The following DLC1 variants were observed in gnomAD, a reference collection of about 807,000 sequenced individuals.
DLC1 encodes the protein rho GTPase-activating protein 7.
DLC1 carries 54 observed loss-of-function variants against 140.3 expected under a neutral mutation model. The ratio of observed to expected loss-of-function variants is 0.38; its 90% CI spans 0.31 to 0.48. The LOEUF (loss-of-function observed/expected upper bound fraction) is 0.48, where lower values mean the gene tolerates loss of function less well. DLC1 is among the 20% of genes least tolerant of loss of function. The pLI is 0.96. For synonymous variants in DLC1, 986 were observed against 728.1 expected, an observed-to-expected ratio of 1.35 and a Z score of -5.70; for missense variants, 2,536 against 1,907.0, an observed-to-expected ratio of 1.33 and a Z score of -6.14.
intron 1 of DLC1, among the ~76,000 whole-genome samples, chr8:13,599,251 C>A (rs980258661): frequency 6.6e-6 from 1 of 151,616 alleles, no homozygotes. Context: ...ATAGAAGGTA[C>A]TAAGGAATTA....
chr8:13,396,090 C>G (rs985716355), intron 3 of DLC1, among the ~76,000 whole-genome samples: 5 of 129,224 alleles, frequency 3.9e-5, no homozygotes, highest in Non-Finnish European at 7.9e-5. Context: ...GACGGAGTCT[C>G]ACTCTGTTGC....
intron 4 of DLC1, among the ~76,000 whole-genome samples, chr8:13,311,338 G>A (rs1292241450): frequency 2.6e-5 from 4 of 152,038 alleles, no homozygotes; most frequent in African/African-American, 9.7e-5. Flanking sequence ...AGGTCATCAT[G>A]GCTTCATCCC....
At chr8:13,472,889 A>C (rs1800274202) in intron 2 of DLC1, among the ~76,000 whole-genome samples, 1 of 152,200 alleles carries the variant, frequency 6.6e-6, no homozygotes, top group Non-Finnish European at 1.5e-5. Flanking sequence ...CAGGGTAAAC[A>C]TTTCACTCAG....
At chr8:13,385,080 G>A (rs555375497) in intron 4 of DLC1, among the ~76,000 whole-genome samples, 1 of 152,122 alleles carries the variant, frequency 6.6e-6, no homozygotes, top group Non-Finnish European at 1.5e-5. Flanking sequence ...GGCAGAGGAC[G>A]GCAGTTTTGG....
At chr8:13,413,255 G>GTTTTTTTT (rs1461897724) in intron 2 of DLC1, among the ~76,000 whole-genome samples, 4 of 30,140 alleles carry the variant, frequency 1.3e-4, no homozygotes, top group Non-Finnish European at 1.7e-4. Flanking sequence ...ATTTTTTTGC[G>GTTTTTTTT]ATTTTTTTTT....
intron 4 of DLC1, chr8:13,338,740 C>G (rs1833909693): frequency 6.6e-6 from 1 of 152,154 alleles, no homozygotes; most frequent in Non-Finnish European, 1.5e-5. Context: ...GGTTCCACAC[C>G]CAGATCACAG....
intron 1 of DLC1, among the ~76,000 whole-genome samples, chr8:13,551,866 G>A (rs867842562): frequency 6.6e-5 from 9 of 136,374 alleles, no homozygotes; most frequent in African/African-American, 2.1e-4. Context: ...ACAAGTGTGT[G>A]TATATATATA....
intron 6 of DLC1, among the ~76,000 whole-genome samples, chr8:13,114,219 G>A (rs112105850): frequency 2.6e-5 from 4 of 152,096 alleles, no homozygotes; most frequent in African/African-American, 4.8e-5. Flanking sequence ...AAAATTGGCC[G>A]GGCATGGTGG....
At chr8:13,405,916 CTTTTCTTT>C (rs750135757) in intron 2 of DLC1, among the ~76,000 whole-genome samples, 1 of 35,506 alleles carries the variant, frequency 2.8e-5, no homozygotes, top group African/African-American at 1.0e-4. Context: ...TCTTTCTTTT[CTTTTCTTT>C]CTTTCTTTCT....
chr8:13,418,332 G>A lies in DLC1; in HGVS notation c.1024-16713C>T, dbSNP rs545779608. On this transcript the variant is annotated intron_variant, in intron 2 of 17. Transcript: ENST00000276297. The stretch of plus-strand genomic sequence containing the variant: ...GGTAATGCCTAGGTTTTCTTCTAGG[G>A]TTTTCATCGTTTTAGGTCTAACGTT... Among the ~76,000 whole-genome samples the A allele has an allele frequency of 3.9e-5, 6 of 152,220 alleles. No individual in the cohort carries two copies. In the East Asian group the frequency reaches 1.2e-3, roughly 29 times the overall value.
intron 2 of DLC1, among the ~76,000 whole-genome samples, chr8:13,463,957 C>G (rs139263194): frequency 2.6e-5 from 4 of 152,014 alleles, no homozygotes; most frequent in South Asian, 2.1e-4. Context: ...AGGAGATAAA[C>G]TGAAATAAAA....
intron 1 of DLC1, among the ~76,000 whole-genome samples, chr8:13,527,158 T>G (rs909086281): frequency 2.0e-5 from 3 of 152,164 alleles, no homozygotes; most frequent in African/African-American, 7.2e-5. Flanking sequence ...GTTGCTTTAC[T>G]CCATAGGATA....
chr8:13,362,781 G>C (rs970381266), intron 4 of DLC1, among the ~76,000 whole-genome samples: 2 of 152,130 alleles, frequency 1.3e-5, no homozygotes, highest in Non-Finnish European at 2.9e-5. Context: ...GCATTCTACT[G>C]TCTTTCCTGT....
intron 2 of DLC1, among the ~76,000 whole-genome samples, chr8:13,415,000 GAC>G (rs1279415240): frequency 6.6e-6 from 1 of 152,048 alleles, no homozygotes; most frequent in African/African-American, 2.4e-5. Flanking sequence ...TTATAGTAGA[GAC>G]ATGGTTTCAC....
intron 4 of DLC1, among the ~76,000 whole-genome samples, chr8:13,387,607 A>G (rs1836579534): frequency 2.0e-5 from 3 of 152,054 alleles, no homozygotes; most frequent in African/African-American, 7.2e-5. Context: ...CCTGGTTTAC[A>G]TTGAAATTAC....
intron 1 of DLC1, among the ~76,000 whole-genome samples, chr8:13,502,549 C>A (rs977686097): frequency 1.3e-5 from 2 of 151,780 alleles, no homozygotes; most frequent in Non-Finnish European, 2.9e-5. Context: ...ATTTAAAGAC[C>A]AGATTATTAA....
At chr8:13,559,037 G>T (rs1290902535) in intron 1 of DLC1, 1 of 152,184 alleles carries the variant, frequency 6.6e-6, no homozygotes, top group Non-Finnish European at 1.5e-5. Flanking sequence ...AACAACTTTG[G>T]TGCATGAAAT....
intron 5 of DLC1, among the ~76,000 whole-genome samples, chr8:13,169,242 A>C (rs1200497226): frequency 1.3e-5 from 2 of 152,216 alleles, no homozygotes; most frequent in Non-Finnish European, 2.9e-5. Context: ...AGTGAAAGAT[A>C]CTATCCTGAA....
chr8:13,563,452 T>A lies in DLC1; in HGVS notation c.-126+41085A>T, dbSNP rs554106933. ...AGAAACTATAAATTAAAATAATTTT[T>A]AAAAAATCATGAGTGATGTAAGATT... On this transcript the variant is annotated intron_variant, in intron 1 of 1. Coordinates refer to the DLC1 transcript ENST00000631382. Among the ~76,000 whole-genome samples, 148 of 152,238 alleles carry A rather than the reference T, an allele frequency of 9.7e-4. 1 individual carries two copies. The highest frequency in any genetic ancestry group is 3.4e-3 in the African/African-American group (140 of 41,560).
Sources: allele counts gnomAD v4.1 joint callset (sites outside exome capture counted in the v4.1 genomes callset), GRCh38; gene constraint gnomAD v4.1.1; transcripts MANE v1.5; gene names NCBI Gene and HGNC (gene_info 2026-07-23, HGNC 2026-07-21).